VOPP1: variants seen among roughly 807,000 people sequenced by gnomAD.
VOPP1 encodes the protein WW domain binding protein VOPP1.
Under a neutral mutation model 23.5 loss-of-function variants are expected in VOPP1, and 8 were observed. That is an observed-to-expected ratio of 0.34 (90% CI 0.20 to 0.61). VOPP1 has a LOEUF of 0.61. Among genes scored for constraint, VOPP1 ranks in the 20% least tolerant of loss-of-function variants. VOPP1 has a pLI of 0.78. For missense variants in VOPP1, 174 were observed against 238.1 expected (o/e 0.73, Z 1.77); for synonymous variants, 83 against 97.3 (o/e 0.85, Z 0.86).
chr7:55,533,876 G>A (rs1300438029), intron 1 of VOPP1, among the ~76,000 whole-genome samples: 1 of 152,126 alleles, frequency 6.6e-6, no homozygotes. Flanking sequence ...CTCGTACCCA[G>A]TGTGTGGTGG....
intron 1 of VOPP1, among the ~76,000 whole-genome samples, chr7:55,528,948 G>A (rs996493321): frequency 6.6e-6 from 1 of 152,142 alleles, no homozygotes; most frequent in African/African-American, 2.4e-5. Context: ...ATATTCATAG[G>A]AGAAAGAATG....
chr7:55,474,143 T>G (rs1315909729), intron 4 of VOPP1, among the ~76,000 whole-genome samples: 1 of 152,214 alleles, frequency 6.6e-6, no homozygotes, highest in Non-Finnish European at 1.5e-5. Flanking sequence ...TGCCACCCTG[T>G]GTGAGAGGCT....
intron 1 of VOPP1, among the ~76,000 whole-genome samples, chr7:55,549,632 G>A (rs1195186900): frequency 6.6e-6 from 1 of 152,204 alleles, no homozygotes; most frequent in Non-Finnish European, 1.5e-5. Context: ...GACCAGCCGT[G>A]TACCTTGGGC....
chr7:55,572,067 A>C (rs1463227820), intron 1 of VOPP1, among the ~76,000 whole-genome samples: 1 of 152,066 alleles, frequency 6.6e-6, no homozygotes, highest in Non-Finnish European at 1.5e-5. Context: ...GGAACGACGG[A>C]AGGCGCGGAC....
chr7:55,527,589 GGGA>G (rs1351907934), intron 1 of VOPP1, among the ~76,000 whole-genome samples: 1 of 152,136 alleles, frequency 6.6e-6, no homozygotes, highest in Non-Finnish European at 1.5e-5. Flanking sequence ...AGAAGGACAG[GGGA>G]GGAGACCTCC....
chr7:55,456,716 G>T (rs574794146), intron 4 of VOPP1, among the ~76,000 whole-genome samples: 90 of 152,192 alleles, frequency 5.9e-4, no homozygotes, highest in South Asian at 1.9e-3. Context: ...ACCGAACACC[G>T]CATGTTCTCA....
chr7:55,456,157 C>T (rs1395733973), intron 4 of VOPP1, among the ~76,000 whole-genome samples: 1 of 152,158 alleles, frequency 6.6e-6, no homozygotes, highest in Non-Finnish European at 1.5e-5. Context: ...ACAGACACTT[C>T]TCAAAAGAAG....
At chr7:55,508,695 T>C (rs1221404313) in intron 2 of VOPP1, among the ~76,000 whole-genome samples, 1 of 152,218 alleles carries the variant, frequency 6.6e-6, no homozygotes, top group Non-Finnish European at 1.5e-5. Context: ...TCCTAGTTTC[T>C]GGTTGACTAA....
At chr7:55,543,137 G>A (rs894520792) in intron 1 of VOPP1, among the ~76,000 whole-genome samples, 2 of 152,000 alleles carry the variant, frequency 1.3e-5, no homozygotes, top group African/African-American at 4.8e-5. Context: ...GGATGGTCTC[G>A]ATCTCCTGAC....
chr7:55,492,358 G>A lies in VOPP1; in HGVS notation c.252C>T (p.Arg84=), dbSNP rs1284736028. 5 of 1,608,554 alleles carry A rather than the reference G, an allele frequency of 3.1e-6. No individual in the cohort carries two copies. The highest frequency in any genetic ancestry group is 1.3e-5 in the African/African-American group (1 of 74,804). Residue 84 remains arginine, a synonymous_variant, in exon 4 of 5, where the codon CGC becomes CGT. Coordinates refer to ENST00000285279, the MANE Select transcript of VOPP1 (RefSeq NM_030796.5). ...CCGAGFFIRR[R]MYPPPLIEEP... is the part of the protein sequence containing the mutation. ...CCTCGATCAGCGGCGGGGGGTACAT[G>A]CGCCTCCGGATGAAGAAGCCGGCTC...
intron 1 of VOPP1, among the ~76,000 whole-genome samples, chr7:55,529,912 T>C (rs1796403403): frequency 6.6e-6 from 1 of 152,256 alleles, no homozygotes; most frequent in Admixed American, 6.5e-5. Flanking sequence ...TGTTGAACAA[T>C]ATTCCATTCT....
At chr7:55,449,133 A>G (rs1360077322) in intron 4 of VOPP1, among the ~76,000 whole-genome samples, 1 of 152,238 alleles carries the variant, frequency 6.6e-6, no homozygotes, top group Non-Finnish European at 1.5e-5. Context: ...AAATAAAGGC[A>G]TGGGTTTGGT....
chr7:55,465,234 A>G (rs1791603956), intron 4 of VOPP1, among the ~76,000 whole-genome samples: 1 of 152,178 alleles, frequency 6.6e-6, no homozygotes. Context: ...AATACTGTTT[A>G]CACTTCGAGG....
chr7:55,506,355 G>T (rs965999338), intron 2 of VOPP1, among the ~76,000 whole-genome samples: 3 of 152,224 alleles, frequency 2.0e-5, no homozygotes, highest in Non-Finnish European at 4.4e-5. Context: ...CATTTTTTGA[G>T]ATGGAGTTTT....
At chr7:55,465,428 G>T (rs1791608947) in intron 4 of VOPP1, among the ~76,000 whole-genome samples, 1 of 152,134 alleles carries the variant, frequency 6.6e-6, no homozygotes, top group African/African-American at 2.4e-5. Flanking sequence ...GAAAACCCTT[G>T]GCTTCCTTTA....
chr7:55,455,313 CA>C (rs1791339478), intron 4 of VOPP1, among the ~76,000 whole-genome samples: 1 of 152,116 alleles, frequency 6.6e-6, no homozygotes, highest in South Asian at 2.1e-4. Context: ...AGAGAGGACA[CA>C]AATGGAAAAA....
chr7:55,496,591 A>G (rs1793970537), intron 3 of VOPP1, among the ~76,000 whole-genome samples: 1 of 152,218 alleles, frequency 6.6e-6, no homozygotes, highest in Admixed American at 6.5e-5. Context: ...GGTGAGGCCA[A>G]GGAGGTGGTG....
chr7:55,537,751 C>A, intron 1 of VOPP1: 1 of 1,385,084 alleles, frequency 7.2e-7, no homozygotes, highest in East Asian at 2.6e-5. Context: ...GTGTGAAAAG[C>A]AGGTCCGGCC....
At chr7:55,545,425 A>T (rs1797323443) in intron 1 of VOPP1, among the ~76,000 whole-genome samples, 1 of 152,194 alleles carries the variant, frequency 6.6e-6, no homozygotes, top group Non-Finnish European at 1.5e-5. Flanking sequence ...CACCAGCCCC[A>T]GACAAAGCAG....
Sources: allele counts gnomAD v4.1 joint callset (sites outside exome capture counted in the v4.1 genomes callset), GRCh38; gene constraint gnomAD v4.1.1; transcripts MANE v1.5; gene names NCBI Gene and HGNC (gene_info 2026-07-23, HGNC 2026-07-21).